Variants in HBP1 observed in about 807,000 individuals in gnomAD.
HBP1 encodes the protein HMG-box transcription factor 1.
Under a neutral mutation model 62.6 loss-of-function variants are expected in HBP1, and 20 were observed. The observed-to-expected ratio is 0.32, with a 90% CI of 0.22 to 0.46. The LOEUF is 0.46. HBP1 is among the 20% of genes least tolerant of loss of function. The probability of loss-of-function intolerance (pLI) is 1.00; values close to 1 mark genes in which losing one functional copy is unlikely to be tolerated. For synonymous variants in HBP1, 232 were observed against 206.2 expected (o/e 1.12, Z -1.07); for missense variants, 480 against 611.8 (o/e 0.78, Z 2.27).
At position 107,181,252 on chromosome 7, in the gene HBP1, G is replaced by A. The variant is rs185644090; in HGVS notation, c.170-1121G>A. On this transcript the variant is annotated intron_variant, in intron 2 of 10. Transcript: ENST00000222574. Reference sequence around the variant, plus strand: ...AATCGCAGCACTTTGGGAGGACAAGGTGGGAGGAGTTCAGGACCAGCCTGG... The same window carrying A: ...AATCGCAGCACTTTGGGAGGACAAGATGGGAGGAGTTCAGGACCAGCCTGG... Among the ~76,000 whole-genome samples the A allele has an allele frequency of 9.2e-4, 140 of 152,212 alleles. 1 individual carries two copies. Among genetic ancestry groups the A allele is most frequent in the African/African-American group, 3.1e-3 (130 of 41,536 alleles).
chr7:107,184,861 T>A (rs1477116833), intron 3 of HBP1, among the ~76,000 whole-genome samples: 3 of 152,306 alleles, frequency 2.0e-5, no homozygotes, highest in African/African-American at 7.2e-5. Flanking sequence ...CATAAACTTT[T>A]TCTGTTAAGG....
intron 1 of HBP1, among the ~76,000 whole-genome samples, chr7:107,172,254 A>G (rs926414104): frequency 3.3e-5 from 5 of 152,172 alleles, no homozygotes; most frequent in African/African-American, 1.2e-4. Context: ...AGTTTATCTT[A>G]TACTTTTGAG....
chr7:107,192,832 T>C (rs56379938), intron 8 of HBP1: 3,628 of 152,282 alleles, frequency 0.024, 63 homozygotes, highest in Non-Finnish European at 0.038. Flanking sequence ...ATGGGTGGTA[T>C]CATCATGGAG....
intron 6 of HBP1, among the ~76,000 whole-genome samples, chr7:107,187,774 T>C (rs1399773505): frequency 6.6e-6 from 1 of 152,238 alleles, no homozygotes; most frequent in African/African-American, 2.4e-5. Flanking sequence ...TGTACAACAT[T>C]TGACACATTG....
intron 9 of HBP1, among the ~76,000 whole-genome samples, chr7:107,198,265 A>G (rs1479526343): frequency 1.3e-5 from 2 of 151,744 alleles, no homozygotes; most frequent in Non-Finnish European, 2.9e-5. Flanking sequence ...CTGTAGTGCC[A>G]GTGGTGTGAT....
Position 107,185,815 on chromosome 7 carries a change from A to C in HBP1, c.413A>C (p.His138Pro). ...CTTTATTTTAGATCATCTCCTGTAC[A>C]CATCATAGCCACTAGCAAAAGTTTA... ...CSFYNRSSPV[H>P]IIATSKSLHS... Residue 138 changes from histidine (H) to proline (P), a missense_variant, in exon 4 of 11, where the codon CAC (histidine) becomes CCC (proline). Coordinates refer to ENST00000222574, the MANE Select transcript of HBP1 (RefSeq NM_012257.4). 6.2e-7 allele frequency: 1 copy of C among 1,613,696 alleles called. No individual in the cohort carries two copies. Among genetic ancestry groups the C allele is most frequent in the Non-Finnish European group, 8.5e-7 (1 of 1,179,592 alleles).
intron 8 of HBP1, among the ~76,000 whole-genome samples, chr7:107,191,713 T>A (rs1448932008): frequency 1.3e-5 from 2 of 152,182 alleles, no homozygotes; most frequent in Non-Finnish European, 2.9e-5. Context: ...TAAAACAATG[T>A]TAAGTAAAAA....
At chr7:107,174,472 C>G (rs1796743252) in intron 1 of HBP1, 1 of 985,086 alleles carries the variant, frequency 1.0e-6, no homozygotes, top group African/African-American at 1.7e-5. Flanking sequence ...TGGTTGATAA[C>G]TAAGACAAAG....
intron 1 of HBP1, chr7:107,174,696 C>G (rs368662159): frequency 1.0e-6 from 1 of 984,390 alleles, no homozygotes; most frequent in Non-Finnish European, 1.2e-6. Flanking sequence ...CAGAGGATAG[C>G]TCTGAAGAGA....
intron 7 of HBP1, among the ~76,000 whole-genome samples, 186 bp downstream of exon 7, chr7:107,189,634 G>T (rs986715878): frequency 6.6e-6 from 1 of 152,136 alleles, no homozygotes; most frequent in Admixed American, 6.5e-5. Context: ...TAGCAGTCAG[G>T]TGGAACTTTA....
chr7:107,173,238 T>C (rs1796687069), intron 1 of HBP1, among the ~76,000 whole-genome samples: 2 of 152,210 alleles, frequency 1.3e-5, no homozygotes, highest in African/African-American at 2.4e-5. Flanking sequence ...TAGAAATTAA[T>C]TGCAAATTAC....
chr7:107,201,346 G>A, intron 10 of HBP1, 68 bp from the exon 11 acceptor site: 1 of 897,890 alleles, frequency 1.1e-6, no homozygotes, highest in Non-Finnish European at 1.8e-6. Flanking sequence ...ATACATCTTA[G>A]CTTTCATATA....
At chr7:107,201,093 C>A (rs975119441) in intron 10 of HBP1, 12 of 223,100 alleles carry the variant, frequency 5.4e-5, no homozygotes, top group African/African-American at 2.5e-4. Context: ...TTCACAATTT[C>A]TTTAAAAATA....
intron 2 of HBP1, among the ~76,000 whole-genome samples, chr7:107,181,281 A>G (rs1032368444): frequency 6.6e-6 from 1 of 152,114 alleles, no homozygotes; most frequent in Non-Finnish European, 1.5e-5. Context: ...AGCCTGGTCA[A>G]CGTAGTGAGA....
In HBP1 at chr7:107,185,795, T is replaced by C. The variant is rs758143982; in HGVS notation, c.399-6T>C. On this transcript the variant is annotated splice_region_variant and splice_polypyrimidine_tract_variant and intron_variant, in intron 3 of 10. Transcript: ENST00000222574. The stretch of plus-strand genomic sequence containing the variant: ...GCTTATGGTTGAAACTGTTGCTTTA[T>C]TTTAGATCATCTCCTGTACACATCA... The C allele has an allele frequency of 6.2e-7, 1 of 1,610,288 alleles. No individual in the cohort carries two copies. The highest frequency in any genetic ancestry group is 1.1e-5 in the South Asian group (1 of 90,742).
chr7:107,185,893 C>G lies in HBP1; in HGVS notation c.491C>G (p.Ala164Gly), dbSNP rs755733564. 2 of 1,612,170 alleles carry G rather than the reference C, an allele frequency of 1.2e-6. No homozygotes were observed. The highest frequency in any genetic ancestry group is 1.7e-6 in the Non-Finnish European group (2 of 1,178,180). ...PVSSSSKSEPAFPHHHWKEET... is the reference protein window; with the variant it reads ...PVSSSSKSEPGFPHHHWKEET... Reference sequence around the variant, plus strand: ...TCCTCTTCTTCGAAGAGTGAACCAGCCTTCCCTCATCACCATTGGAAGGAG... The same window carrying G: ...TCCTCTTCTTCGAAGAGTGAACCAGGCTTCCCTCATCACCATTGGAAGGAG... Residue 164 changes from alanine to glycine, a missense_variant, in exon 4 of 11, where the codon GCC (alanine) becomes GGC (glycine). Coordinates refer to ENST00000222574, the MANE Select transcript of HBP1 (RefSeq NM_012257.4).
intron 1 of HBP1, among the ~76,000 whole-genome samples, chr7:107,176,133 C>G (rs1355972953): frequency 6.6e-6 from 1 of 151,822 alleles, no homozygotes; most frequent in East Asian, 1.9e-4. Context: ...TCAAGCGATT[C>G]TCCTGCCTCA....
intron 3 of HBP1, among the ~76,000 whole-genome samples, chr7:107,184,358 A>C (rs1199434028): frequency 6.6e-6 from 1 of 152,208 alleles, no homozygotes; most frequent in African/African-American, 2.4e-5. Flanking sequence ...CGATTTAAGG[A>C]GTGATGTGAA....
chr7:107,184,977 A>G (rs1797285228), intron 3 of HBP1, among the ~76,000 whole-genome samples: 1 of 152,068 alleles, frequency 6.6e-6, no homozygotes, highest in South Asian at 2.1e-4. Flanking sequence ...CTTCCTTTCC[A>G]GACTGCTGAG....
Sources: allele counts gnomAD v4.1 joint callset (sites outside exome capture counted in the v4.1 genomes callset), GRCh38; gene constraint gnomAD v4.1.1; transcripts MANE v1.5; gene names NCBI Gene and HGNC (gene_info 2026-07-23, HGNC 2026-07-21).